Variants in SCAPER observed in about 807,000 individuals in gnomAD.
The protein encoded by SCAPER is S phase cyclin A-associated protein in the endoplasmic reticulum.
SCAPER carries 98 observed loss-of-function variants against 182.2 expected under a neutral mutation model. That is an observed-to-expected ratio of 0.54 (90% CI 0.46 to 0.64). The LOEUF is 0.64. Ranked by LOEUF, SCAPER falls within the 30% of genes least tolerant of loss-of-function variation. SCAPER has a pLI of 0.00. For synonymous variants in SCAPER, 605 were observed against 564.6 expected (o/e 1.07, Z -1.01); for missense variants, 1,432 against 1,690.0 (o/e 0.85, Z 2.68).
Position 76,637,768 on chromosome 15 carries a change from G to A in SCAPER, c.2646-15939C>T, listed in dbSNP as rs1184262458. Reference sequence around the variant, plus strand: ...TGTGTGTGTGTGTGTGTGTGTGTGTGTGTGTGTGTGTGTGTGTGTGTGTGT... The same window carrying A: ...TGTGTGTGTGTGTGTGTGTGTGTGTATGTGTGTGTGTGTGTGTGTGTGTGT... On this transcript the variant is annotated intron_variant, in intron 21 of 31. Coordinates refer to ENST00000563290, the MANE Select transcript of SCAPER (RefSeq NM_020843.4). Among the ~76,000 whole-genome samples, 1,221 of 141,850 alleles carry A rather than the reference G, an allele frequency of 8.6e-3. 31 individuals are homozygous for A. Among genetic ancestry groups the A allele is most frequent in the African/African-American group, 0.029 (1,066 of 37,044 alleles). 93.1% of individuals were successfully genotyped at this position (141,850 alleles called of 152,430 possible). A position where few individuals can be genotyped will look rare whatever the true frequency, so the allele number is the denominator to read the frequency against.
intron 8 of SCAPER, among the ~76,000 whole-genome samples, 153 bp from the exon 9 acceptor site, chr15:76,775,270 T>C (rs1294895363): frequency 2.6e-5 from 4 of 152,170 alleles, no homozygotes; most frequent in Non-Finnish European, 4.4e-5. Context: ...TATTTGTATA[T>C]ACATATTTAA....
intron 21 of SCAPER, among the ~76,000 whole-genome samples, chr15:76,663,667 T>G (rs534572122): frequency 2.0e-5 from 3 of 151,818 alleles, no homozygotes; most frequent in Non-Finnish European, 4.4e-5. Flanking sequence ...AATCTCCAGT[T>G]ATAGAAAGCA....
chr15:76,663,886 C>T (rs558962127), intron 21 of SCAPER, among the ~76,000 whole-genome samples: 1 of 152,056 alleles, frequency 6.6e-6, no homozygotes, highest in African/African-American at 2.4e-5. Context: ...TCAATAGATA[C>T]AGTTAGTATG....
At chr15:76,759,175 T>C (rs954008345) in intron 14 of SCAPER, among the ~76,000 whole-genome samples, 5 of 152,188 alleles carry the variant, frequency 3.3e-5, no homozygotes, top group African/African-American at 9.7e-5. Context: ...TTTCAGTTTT[T>C]CCCAATTATG....
chr15:76,784,017 G>A (rs2064377870), intron 8 of SCAPER, among the ~76,000 whole-genome samples: 2 of 152,190 alleles, frequency 1.3e-5, no homozygotes, highest in African/African-American at 4.8e-5. Context: ...TCAACACAGT[G>A]TTGGAAGTTC....
At chr15:76,350,355 T>C (rs1010363339) in intron 31 of SCAPER, 3 of 138,288 alleles carry the variant, frequency 2.2e-5, no homozygotes, top group Non-Finnish European at 4.6e-5. Context: ...ACCTGTCCAC[T>C]GTAGAGGACT....
At chr15:76,763,826 T>C (rs1171782379) in intron 14 of SCAPER, among the ~76,000 whole-genome samples, 1 of 152,220 alleles carries the variant, frequency 6.6e-6, no homozygotes, top group African/African-American at 2.4e-5. Context: ...CGGCTTCACT[T>C]TCTTGATGTT....
At chr15:76,591,180 T>A (rs535663531) in intron 22 of SCAPER, among the ~76,000 whole-genome samples, 1 of 152,160 alleles carries the variant, frequency 6.6e-6, no homozygotes, top group South Asian at 2.1e-4. Context: ...CTTAAATTTA[T>A]ACAAATTAAA....
At chr15:76,699,565 T>C (rs2058822520) in intron 20 of SCAPER, among the ~76,000 whole-genome samples, 1 of 152,200 alleles carries the variant, frequency 6.6e-6, no homozygotes, top group Non-Finnish European at 1.5e-5. Context: ...GACTGCAGTA[T>C]ACACTGCACG....
At chr15:76,531,509 C>T (rs1023333084) in intron 23 of SCAPER, among the ~76,000 whole-genome samples, 1 of 152,026 alleles carries the variant, frequency 6.6e-6, no homozygotes, top group Non-Finnish European at 1.5e-5. Context: ...AATTAACTGG[C>T]GACAAGCTAC....
chr15:76,488,714 C>CTTTTTTTTTTTTTT lies in SCAPER; in HGVS notation c.2954+16131_2954+16144dup, dbSNP rs71143333. Among the ~76,000 whole-genome samples the CTTTTTTTTTTTTTT allele has an allele frequency of 3.0e-3, 275 of 93,068 alleles. 27 individuals are homozygous for CTTTTTTTTTTTTTT. Among genetic ancestry groups the CTTTTTTTTTTTTTT allele is most frequent in the East Asian group, 0.016 (39 of 2,478 alleles). 61.1% of individuals were successfully genotyped at this position (93,068 alleles called of 152,430 possible). ...TTGCATCCTGATAACAGTACACTGC[C>CTTTTTTTTTTTTTT]TTTTTTTTTTTTTTTTTTTTTTTTT... On this transcript the variant is annotated intron_variant, in intron 24 of 31. Transcript: ENST00000563290.
chr15:76,379,425 G>C (rs73450217), intron 28 of SCAPER, among the ~76,000 whole-genome samples: 3,652 of 152,228 alleles, frequency 0.024, 146 homozygotes, highest in African/African-American at 0.082. Flanking sequence ...CAGGGCATTT[G>C]ATTTTGAGAA....
Position 76,800,260 on chromosome 15 carries a change from C to A in SCAPER, c.599G>T (p.Ser200Ile). Residue 200 changes from serine (S) to isoleucine (I), a missense_variant, in exon 7 of 32, where the codon AGC becomes ATC. Physicochemically the swap from Ser to Ile is moderately radical, Grantham distance 142 (BLOSUM62 -2). Transcript: ENST00000563290. ...TAGTTCATCTCACCCAAAATTTAAG[C>A]TTCGTCGAGCATTTGATGTTACATT... ...RINVTSNARR[S>I]LNFGGSTGTV... The A allele has an allele frequency of 6.2e-7, 1 of 1,608,580 alleles. No homozygotes were observed. Among genetic ancestry groups the A allele is most frequent in the Non-Finnish European group, 8.5e-7 (1 of 1,176,334 alleles).
In SCAPER at chr15:76,890,624, G is replaced by T. The variant is rs564854691; in HGVS notation, c.-59-6748C>A. Among the ~76,000 whole-genome samples the T allele has an allele frequency of 1.0e-3, 155 of 152,304 alleles. 3 individuals are homozygous for T. The highest frequency in any genetic ancestry group is 3.7e-3 in the African/African-American group (152 of 41,564). On this transcript the variant is annotated intron_variant, in intron 1 of 31. Coordinates refer to ENST00000563290, the MANE Select transcript of SCAPER (RefSeq NM_020843.4). ...CTTCCCAAGACTAAACCAGGAAGAA[G>T]CTGAATCTCTGAATAGACCAATAAC...
At chr15:76,728,802 A>G in intron 16 of SCAPER, 65 bp from the exon 17 acceptor site, 1 of 1,495,376 alleles carries the variant, frequency 6.7e-7, no homozygotes. Flanking sequence ...ATTCAAAGTA[A>G]TATACCTTTC....
chr15:76,788,475 T>A (rs1289831762), intron 8 of SCAPER, among the ~76,000 whole-genome samples: 1 of 152,160 alleles, frequency 6.6e-6, no homozygotes, highest in East Asian at 1.9e-4. Flanking sequence ...TAGAACAGTG[T>A]GTCATACCAT....
chr15:76,791,376 A>T (rs1471158240), intron 8 of SCAPER, among the ~76,000 whole-genome samples: 1 of 152,226 alleles, frequency 6.6e-6, no homozygotes, highest in Non-Finnish European at 1.5e-5. Flanking sequence ...TAAAGGAACT[A>T]CAATTCCTGA....
At chr15:76,633,085 T>C (rs2146271855) in intron 21 of SCAPER, among the ~76,000 whole-genome samples, 1 of 152,344 alleles carries the variant, frequency 6.6e-6, no homozygotes, top group Non-Finnish European at 1.5e-5. Flanking sequence ...AGCCTGCTGC[T>C]GACCTTTAAA....
Position 76,633,573 on chromosome 15 carries a change from G to C in SCAPER, c.2646-11744C>G, listed in dbSNP as rs376717888. Among the ~76,000 whole-genome samples the C allele has an allele frequency of 2.6e-5, 4 of 152,294 alleles. No homozygotes were observed. In the East Asian group the frequency reaches 7.7e-4, roughly 29 times the overall value. On this transcript the variant is annotated intron_variant, in intron 21 of 31. Transcript: ENST00000563290. ...CATACTGCAGGCACCCCTCCTCCTA[G>C]GGGCTCCTCTCAGGGATATCAGAGT...
Sources: gnomAD v4.1 joint callset for allele counts (sites outside exome capture counted in the v4.1 genomes callset) on GRCh38, gnomAD v4.1.1 for gene constraint, MANE v1.5 for transcripts, NCBI Gene and HGNC (gene_info 2026-07-23, HGNC 2026-07-21) for gene names.